The following SGCZ variants were observed in gnomAD, a reference collection of about 807,000 sequenced individuals.
SGCZ encodes zeta-sarcoglycan.
SGCZ carries 40 observed loss-of-function variants against 41.3 expected under a neutral mutation model. That is an observed-to-expected ratio of 0.97 (90% CI 0.75 to 1.26). The LOEUF (loss-of-function observed/expected upper bound fraction) is 1.26, where lower values mean the gene tolerates loss of function less well. Among genes scored for constraint, SGCZ ranks in the 50% most tolerant of loss-of-function variants. SGCZ has a pLI of 0.00. For missense variants in SGCZ, 552 were observed against 369.8 expected, an observed-to-expected ratio of 1.49 and a Z score of -4.04; for synonymous variants, 206 against 137.5, an observed-to-expected ratio of 1.50 and a Z score of -3.49.
At chr8:14,102,303 A>T in intron 7 of SGCZ, 73 bp downstream of exon 7, 2 of 1,303,896 alleles carry the variant, frequency 1.5e-6, no homozygotes, top group Non-Finnish European at 2.0e-6. Flanking sequence ...AGTCAATTAT[A>T]AATAGGACAT....
intron 1 of SGCZ, among the ~76,000 whole-genome samples, chr8:14,941,517 T>A (rs2130820975): frequency 6.6e-6 from 1 of 152,206 alleles, no homozygotes; most frequent in Non-Finnish European, 1.5e-5. Context: ...CATAACAGCC[T>A]CTTAATCCCC....
At chr8:14,635,373 CTT>C (rs1360830764) in intron 1 of SGCZ, among the ~76,000 whole-genome samples, 1 of 151,868 alleles carries the variant, frequency 6.6e-6, no homozygotes, top group East Asian at 1.9e-4. Context: ...AATGATCTCA[CTT>C]AATCTATTAT....
At chr8:14,437,091 T>G (rs1474400100) in intron 2 of SGCZ, among the ~76,000 whole-genome samples, 22 of 152,184 alleles carry the variant, frequency 1.4e-4, no homozygotes. Context: ...ATGTGATTTT[T>G]ATATTATAAA....
intron 1 of SGCZ, among the ~76,000 whole-genome samples, chr8:15,130,961 G>C (rs918917615): frequency 6.6e-6 from 1 of 151,956 alleles, no homozygotes; most frequent in South Asian, 2.1e-4. Context: ...TGCTAGATAC[G>C]GGGCTTACAA....
At chr8:14,575,932 A>AAAAAAAAAAAAG (rs1563126402) in intron 1 of SGCZ, among the ~76,000 whole-genome samples, 2 of 136,438 alleles carry the variant, frequency 1.5e-5, no homozygotes, top group African/African-American at 2.9e-5. Context: ...AAAAAAAAAA[A>AAAAAAAAAAAAG]AAAGAAAGAA....
chr8:14,418,645 C>T (rs180871163), intron 2 of SGCZ, among the ~76,000 whole-genome samples: 6 of 151,948 alleles, frequency 3.9e-5, no homozygotes, highest in Admixed American at 2.6e-4. Flanking sequence ...AAGGTAAATA[C>T]AGCAATTGAA....
At chr8:14,090,874 G>A (rs1260266635) in intron 7 of SGCZ, among the ~76,000 whole-genome samples, 1 of 151,932 alleles carries the variant, frequency 6.6e-6, no homozygotes, top group Admixed American at 6.6e-5. Flanking sequence ...AATCTGAAAA[G>A]CAACATCATA....
intron 1 of SGCZ, among the ~76,000 whole-genome samples, chr8:15,056,286 A>T (rs1026257050): frequency 1.3e-5 from 2 of 152,186 alleles, no homozygotes; most frequent in African/African-American, 4.8e-5. Context: ...CTGACATAAG[A>T]TAATATGAAC....
chr8:15,158,405 T>C (rs1467532636), intron 1 of SGCZ, among the ~76,000 whole-genome samples: 3 of 152,210 alleles, frequency 2.0e-5, no homozygotes, highest in Non-Finnish European at 4.4e-5. Flanking sequence ...TTTATGTGCA[T>C]ATAGCAATAA....
At chr8:15,041,405 T>C (rs1409916378) in intron 1 of SGCZ, among the ~76,000 whole-genome samples, 3 of 151,978 alleles carry the variant, frequency 2.0e-5, no homozygotes, top group South Asian at 2.1e-4. Context: ...TTTGATACCA[T>C]ATGAAAAGTC....
At chr8:15,165,837 CA>C (rs1407349607) in intron 1 of SGCZ, among the ~76,000 whole-genome samples, 1 of 152,148 alleles carries the variant, frequency 6.6e-6, no homozygotes, top group East Asian at 1.9e-4. Context: ...TCCGTGTGAA[CA>C]TATCGACTAT....
chr8:14,920,212 C>A (rs1204477953), intron 1 of SGCZ, among the ~76,000 whole-genome samples: 2 of 152,116 alleles, frequency 1.3e-5, no homozygotes, highest in Non-Finnish European at 2.9e-5. Flanking sequence ...CCTAGTGGAA[C>A]AGGATGCCAG....
At chr8:14,710,429 A>G (rs1030755524) in intron 1 of SGCZ, among the ~76,000 whole-genome samples, 1 of 151,804 alleles carries the variant, frequency 6.6e-6, no homozygotes, top group African/African-American at 2.4e-5. Flanking sequence ...ACTTGATCTA[A>G]CAATTCAATG....
chr8:14,787,524 A>G (rs1800805578), intron 1 of SGCZ, among the ~76,000 whole-genome samples: 1 of 152,128 alleles, frequency 6.6e-6, no homozygotes. Context: ...TAAAAACAGT[A>G]GTAACTGAGT....
At chr8:14,359,062 T>A (rs1803407229) in intron 2 of SGCZ, among the ~76,000 whole-genome samples, 1 of 152,168 alleles carries the variant, frequency 6.6e-6, no homozygotes, top group Admixed American at 6.5e-5. Context: ...CAATTCTTTG[T>A]TATTTTAAAA....
At chr8:15,185,668 T>C (rs1800310851) in intron 1 of SGCZ, among the ~76,000 whole-genome samples, 1 of 152,114 alleles carries the variant, frequency 6.6e-6, no homozygotes, top group Non-Finnish European at 1.5e-5. Flanking sequence ...CTGCCCCAAG[T>C]TCTGTTGGAC....
intron 2 of SGCZ, among the ~76,000 whole-genome samples, chr8:14,539,901 C>G (rs1421021211): frequency 6.6e-6 from 1 of 151,852 alleles, no homozygotes; most frequent in Non-Finnish European, 1.5e-5. Context: ...GGCTTGTTTG[C>G]TTTAATTTAA....
intron 1 of SGCZ, among the ~76,000 whole-genome samples, chr8:14,603,561 A>T (rs1805657854): frequency 6.6e-6 from 1 of 152,160 alleles, no homozygotes; most frequent in Non-Finnish European, 1.5e-5. Flanking sequence ...GATATTTTAA[A>T]CAAGATCATG....
intron 2 of SGCZ, among the ~76,000 whole-genome samples, chr8:14,432,647 C>T (rs1348146937): frequency 6.6e-6 from 1 of 152,176 alleles, no homozygotes; most frequent in Non-Finnish European, 1.5e-5. Context: ...GGCGCATTGG[C>T]TCACGCCTGT....
Sources: gnomAD v4.1 joint callset for allele counts (sites outside exome capture counted in the v4.1 genomes callset) on GRCh38, gnomAD v4.1.1 for gene constraint, MANE v1.5 for transcripts, NCBI Gene and HGNC (gene_info 2026-07-23, HGNC 2026-07-21) for gene names.